SLC24A2: variants seen among roughly 807,000 people sequenced by gnomAD.
The protein encoded by SLC24A2 is sodium/potassium/calcium exchanger 2.
Under a neutral mutation model 62.0 loss-of-function variants are expected in SLC24A2, and 36 were observed. The ratio of observed to expected loss-of-function variants is 0.58; its 90% CI spans 0.44 to 0.77. SLC24A2 has a LOEUF of 0.77. SLC24A2 is among the 30% of genes least tolerant of loss of function. The pLI, the probability that SLC24A2 is intolerant of heterozygous loss-of-function variation, is 0.00. For synonymous variants in SLC24A2, 358 were observed against 294.0 expected, an observed-to-expected ratio of 1.22 and a Z score of -2.23; for missense variants, 846 against 817.9, an observed-to-expected ratio of 1.03 and a Z score of -0.42.
the SLC24A2 span, among the ~76,000 whole-genome samples, chr9:19,918,638 C>T: frequency 6.6e-6 from 1 of 152,044 alleles, no homozygotes; most frequent in Non-Finnish European, 1.5e-5. Context: ...GCGTGTGTTT[C>T]CCCAGACTCC....
chr9:20,076,297 C>G, the SLC24A2 span, among the ~76,000 whole-genome samples: 3 of 152,068 alleles, frequency 2.0e-5, no homozygotes. Flanking sequence ...GAGAGAGCTA[C>G]CTAGTTTATA....
the SLC24A2 span, among the ~76,000 whole-genome samples, chr9:20,294,902 A>T: frequency 6.6e-6 from 1 of 151,864 alleles, no homozygotes. Flanking sequence ...CATTTGTACC[A>T]CTCTACTCAG....
At chr9:20,304,477 A>G in the SLC24A2 span, among the ~76,000 whole-genome samples, 1 of 152,216 alleles carries the variant, frequency 6.6e-6, no homozygotes, top group Non-Finnish European at 1.5e-5. Flanking sequence ...TTAAAAAAAG[A>G]CTTTTAACAG....
At chr9:20,229,313 G>A in the SLC24A2 span, among the ~76,000 whole-genome samples, 1 of 152,096 alleles carries the variant, frequency 6.6e-6, no homozygotes, top group Admixed American at 6.6e-5. Context: ...GTGCTCTGGT[G>A]TTCTTCTCTA....
intron 8 of SLC24A2, 54 bp downstream of exon 8, chr9:19,550,083 C>T (rs1834768923): frequency 4.4e-6 from 7 of 1,578,660 alleles, no homozygotes; most frequent in Non-Finnish European, 6.1e-6. Context: ...ACTATGCACC[C>T]TGTTATGTAC....
intron 2 of SLC24A2, among the ~76,000 whole-genome samples, chr9:19,754,512 A>T (rs917510423): frequency 2.0e-5 from 3 of 152,178 alleles, no homozygotes; most frequent in Non-Finnish European, 2.9e-5. Flanking sequence ...GAAATCTGAC[A>T]GTACAGATGC....
the SLC24A2 span, among the ~76,000 whole-genome samples, chr9:19,903,640 C>G: frequency 6.6e-6 from 1 of 152,160 alleles, no homozygotes; most frequent in Non-Finnish European, 1.5e-5. Flanking sequence ...CTCAGTTTTC[C>G]CTTCTTAAAG....
chr9:19,629,422 T>C (rs929333366), intron 2 of SLC24A2, among the ~76,000 whole-genome samples: 5 of 152,218 alleles, frequency 3.3e-5, no homozygotes, highest in Non-Finnish European at 4.4e-5. Flanking sequence ...GTGTTTATTT[T>C]GTACAAAAAG....
At chr9:19,636,605 T>G (rs1818364292) in intron 2 of SLC24A2, among the ~76,000 whole-genome samples, 1 of 151,662 alleles carries the variant, frequency 6.6e-6, no homozygotes, top group African/African-American at 2.4e-5. Flanking sequence ...CAGCTAATTT[T>G]CGTATTTTTA....
At chr9:19,733,485 A>G (rs977155300) in intron 2 of SLC24A2, among the ~76,000 whole-genome samples, 6 of 152,184 alleles carry the variant, frequency 3.9e-5, no homozygotes, top group Admixed American at 3.9e-4. Flanking sequence ...AAGGAAGCCT[A>G]CAGAGAACGC....
Position 19,573,356 on chromosome 9 carries a change from C to T in SLC24A2, c.1342G>A (p.Ala448Thr). The change falls in exon 7 of 11, where the codon GCC (alanine) becomes ACC (threonine). Residue 448 changes from alanine (A) to threonine (T), a missense_variant. Coordinates refer to ENST00000341998, the MANE Select transcript of SLC24A2 (RefSeq NM_020344.4). ...GCAATGGAGAAAAGCCATACCTGGGCTTCTGCACCTTCAATGTTGTGGGAG... is the reference window on the plus strand; with the variant it reads ...GCAATGGAGAAAAGCCATACCTGGGTTTCTGCACCTTCAATGTTGTGGGAG... ...NLSHNIEGAE[A>T]QTADEEEDQP... is the part of the protein sequence containing the mutation. 1.2e-6 allele frequency: 2 copies of T among 1,603,484 alleles called. No individual in the cohort carries two copies. Among genetic ancestry groups the T allele is most frequent in the East Asian group, 2.2e-5 (1 of 44,800 alleles).
At chr9:19,717,833 T>C (rs1284569417) in intron 2 of SLC24A2, among the ~76,000 whole-genome samples, 2 of 152,172 alleles carry the variant, frequency 1.3e-5, no homozygotes, top group African/African-American at 4.8e-5. Flanking sequence ...TAAAGGGTCA[T>C]CAAATAATTA....
At chr9:19,686,723 G>T in intron 2 of SLC24A2, among the ~76,000 whole-genome samples, 1 of 152,000 alleles carries the variant, frequency 6.6e-6, no homozygotes, top group Non-Finnish European at 1.5e-5. Flanking sequence ...GTTTTCCAAG[G>T]CCTCCCCAGC....
the SLC24A2 span, among the ~76,000 whole-genome samples, chr9:19,982,824 C>T: frequency 6.6e-6 from 1 of 152,106 alleles, no homozygotes; most frequent in African/African-American, 2.4e-5. Context: ...GGCTTATATA[C>T]TATGACAAAG....
chr9:20,065,525 A>G, the SLC24A2 span, among the ~76,000 whole-genome samples: 1 of 152,202 alleles, frequency 6.6e-6, no homozygotes, highest in Non-Finnish European at 1.5e-5. Context: ...GACAAGCACT[A>G]TTAGGTACTT....
At chr9:19,744,313 C>G (rs1166330633) in intron 2 of SLC24A2, among the ~76,000 whole-genome samples, 1 of 152,178 alleles carries the variant, frequency 6.6e-6, no homozygotes, top group African/African-American at 2.4e-5. Flanking sequence ...TTCAAGCCAC[C>G]TCTCGCACTG....
chr9:19,723,494 G>A (rs192866127), intron 2 of SLC24A2, among the ~76,000 whole-genome samples: 29 of 152,124 alleles, frequency 1.9e-4, no homozygotes, highest in Admixed American at 6.5e-4. Flanking sequence ...CCACCAAACC[G>A]TCTTAAGCCA....
At chr9:20,187,612 C>T in the SLC24A2 span, among the ~76,000 whole-genome samples, 1 of 152,228 alleles carries the variant, frequency 6.6e-6, no homozygotes, top group Non-Finnish European at 1.5e-5. Flanking sequence ...TGCCTACATT[C>T]TCTCCAGTTC....
chr9:19,857,694 A>C, the SLC24A2 span, among the ~76,000 whole-genome samples: 1 of 151,982 alleles, frequency 6.6e-6, no homozygotes, highest in East Asian at 1.9e-4. Flanking sequence ...ATTGGGTTTT[A>C]AATATTGATT....
Sources: gnomAD v4.1 joint callset for allele counts (sites outside exome capture counted in the v4.1 genomes callset) on GRCh38, gnomAD v4.1.1 for gene constraint, MANE v1.5 for transcripts, NCBI Gene and HGNC (gene_info 2026-07-23, HGNC 2026-07-21) for gene names.